The following DLGAP1 variants were observed in gnomAD, a reference collection of about 807,000 sequenced individuals.
DLGAP1 encodes the protein disks large-associated protein 1.
Under a neutral mutation model 90.8 loss-of-function variants are expected in DLGAP1, and 11 were observed. The observed-to-expected ratio is 0.12, with a 90% CI of 0.08 to 0.20. The LOEUF (loss-of-function observed/expected upper bound fraction) is 0.20. DLGAP1 is among the 10% of genes least tolerant of loss of function. DLGAP1 has a pLI of 1.00. For synonymous variants in DLGAP1, 558 were observed against 540.7 expected (o/e 1.03, Z -0.44); for missense variants, 1,050 against 1,333.8 (o/e 0.79, Z 3.31).
chr18:3,762,787 C>T (rs1316160757), intron 5 of DLGAP1, among the ~76,000 whole-genome samples: 3 of 152,170 alleles, frequency 2.0e-5, no homozygotes, highest in Admixed American at 6.5e-5. Flanking sequence ...CATGACCCTC[C>T]ACTCCTCTTA....
chr18:3,672,289 TAAC>T (rs1223949447), intron 7 of DLGAP1, among the ~76,000 whole-genome samples: 1 of 151,384 alleles, frequency 6.6e-6, no homozygotes, highest in Non-Finnish European at 1.5e-5. Flanking sequence ...TCTTGAAAGT[TAAC>T]AAGAGCAGGG....
intron 5 of DLGAP1, among the ~76,000 whole-genome samples, chr18:3,755,539 A>G: frequency 6.6e-6 from 1 of 152,222 alleles, no homozygotes; most frequent in African/African-American, 2.4e-5. Context: ...CAGACCAAAT[A>G]TACTTTAGGA....
chr18:4,322,168 C>G (rs1434074406), intron 1 of DLGAP1, among the ~76,000 whole-genome samples: 3 of 151,786 alleles, frequency 2.0e-5, no homozygotes, highest in Non-Finnish European at 4.4e-5. Flanking sequence ...CCATTGCACT[C>G]CAGCCTCGGC....
chr18:3,956,791 T>C (rs1315203069), intron 3 of DLGAP1, among the ~76,000 whole-genome samples: 1 of 152,046 alleles, frequency 6.6e-6, no homozygotes, highest in Non-Finnish European at 1.5e-5. Flanking sequence ...GCTGGGACTA[T>C]AGGTGCACAC....
At chr18:3,707,663 C>T (rs1332459352) in intron 7 of DLGAP1, among the ~76,000 whole-genome samples, 4 of 151,292 alleles carry the variant, frequency 2.6e-5, no homozygotes, top group African/African-American at 7.3e-5. Context: ...CTTTTCATTG[C>T]GCTTAGAATA....
At chr18:3,545,034 C>T (rs1197473698) in intron 9 of DLGAP1, among the ~76,000 whole-genome samples, 1 of 151,786 alleles carries the variant, frequency 6.6e-6, no homozygotes, top group African/African-American at 2.4e-5. Context: ...TTTGGGAGGC[C>T]GAGGTGGGCA....
intron 5 of DLGAP1, among the ~76,000 whole-genome samples, chr18:3,773,836 CTAA>C (rs1432409221): frequency 1.3e-5 from 2 of 152,142 alleles, no homozygotes; most frequent in Non-Finnish European, 2.9e-5. Context: ...AAACTTTCTG[CTAA>C]TATTTCCAGG....
At chr18:4,265,659 C>T (rs60326508) in intron 1 of DLGAP1, among the ~76,000 whole-genome samples, 8 of 62,280 alleles carry the variant, frequency 1.3e-4, no homozygotes, top group African/African-American at 8.4e-4. Flanking sequence ...CTCCCTCCCT[C>T]CCTCCCTTCC....
intron 8 of DLGAP1, among the ~76,000 whole-genome samples, chr18:3,580,940 G>A (rs1410159783): frequency 2.0e-5 from 3 of 152,138 alleles, no homozygotes; most frequent in African/African-American, 7.2e-5. Flanking sequence ...ATGTGGGGTC[G>A]GCCGGGACCC....
intron 1 of DLGAP1, among the ~76,000 whole-genome samples, chr18:4,387,930 TACAC>T (rs1171436413): frequency 1.1e-4 from 14 of 123,340 alleles, no homozygotes; most frequent in African/African-American, 4.0e-4. Context: ...CCATCACACA[TACAC>T]ACACACACAC....
chr18:4,359,607 T>C (rs2081590867), intron 1 of DLGAP1, among the ~76,000 whole-genome samples: 3 of 152,224 alleles, frequency 2.0e-5, no homozygotes, highest in African/African-American at 7.2e-5. Context: ...TAATGTCTTC[T>C]GTTATAAAGA....
At position 4,018,359 on chromosome 18, in the gene DLGAP1, T is replaced by C. The variant is rs117734859; in HGVS notation, c.-158-13158A>G. On this transcript the variant is annotated intron_variant, in intron 2 of 12. Transcript: ENST00000315677. ...TGTATCCCCCGCAGTGGCCAGACAT[T>C]GGATGTGGGCTGCCCAGGGAGGAAG... Among the ~76,000 whole-genome samples, 115 of 152,272 alleles carry C rather than the reference T, an allele frequency of 7.6e-4. 1 individual carries two copies. In the East Asian group the frequency reaches 0.019, roughly 25 times the overall value.
At chr18:4,361,366 T>C (rs149388472) in intron 1 of DLGAP1, among the ~76,000 whole-genome samples, 3 of 152,256 alleles carry the variant, frequency 2.0e-5, no homozygotes, top group African/African-American at 4.8e-5. Flanking sequence ...ACTGTAAAGC[T>C]ACAGTAATCA....
chr18:4,429,826 T>C (rs1474868507), intron 1 of DLGAP1, among the ~76,000 whole-genome samples: 1 of 151,996 alleles, frequency 6.6e-6, no homozygotes, highest in Non-Finnish European at 1.5e-5. Flanking sequence ...AGGGAATAAA[T>C]GGATGAACAA....
intron 1 of DLGAP1, among the ~76,000 whole-genome samples, chr18:4,156,597 T>C (rs1392074935): frequency 6.6e-6 from 1 of 152,204 alleles, no homozygotes; most frequent in Non-Finnish European, 1.5e-5. Flanking sequence ...AAAATGTTGA[T>C]AATCATACTC....
At chr18:4,313,350 G>C (rs961818490) in intron 1 of DLGAP1, among the ~76,000 whole-genome samples, 2 of 152,152 alleles carry the variant, frequency 1.3e-5, no homozygotes, top group African/African-American at 4.8e-5. Flanking sequence ...AAATAGGGTG[G>C]TCCTGGTTGG....
intron 3 of DLGAP1, among the ~76,000 whole-genome samples, chr18:3,972,497 A>C (rs2073473004): frequency 7.7e-6 from 1 of 129,142 alleles, no homozygotes; most frequent in Non-Finnish European, 1.7e-5. Flanking sequence ...GTTGAGTCAC[A>C]CACACACACA....
chr18:4,375,746 T>C (rs2082001676), intron 1 of DLGAP1, among the ~76,000 whole-genome samples: 1 of 152,150 alleles, frequency 6.6e-6, no homozygotes, highest in South Asian at 2.1e-4. Flanking sequence ...AAAAGCCTGG[T>C]AAGTAAGAAG....
At chr18:4,399,030 T>A (rs1359363954) in intron 1 of DLGAP1, among the ~76,000 whole-genome samples, 1 of 152,064 alleles carries the variant, frequency 6.6e-6, no homozygotes, top group East Asian at 1.9e-4. Context: ...AGGGTTTTCA[T>A]CATGTTGGCC....
Sources: allele counts gnomAD v4.1 joint callset (sites outside exome capture counted in the v4.1 genomes callset), GRCh38; gene constraint gnomAD v4.1.1; transcripts MANE v1.5; gene names NCBI Gene and HGNC (gene_info 2026-07-23, HGNC 2026-07-21).